Variants in CNTNAP5 observed in about 807,000 individuals in gnomAD.
The protein encoded by CNTNAP5 is contactin associated protein family member 5.
CNTNAP5 carries 72 observed loss-of-function variants against 150.2 expected under a neutral mutation model. The observed-to-expected ratio is 0.48, with a 90% confidence interval of 0.40 to 0.58. The LOEUF (loss-of-function observed/expected upper bound fraction) is 0.58. Ranked by LOEUF, CNTNAP5 falls within the 20% of genes least tolerant of loss-of-function variation. CNTNAP5 has a pLI of 0.00. For missense variants in CNTNAP5, 1,636 were observed against 1,626.2 expected (o/e 1.01, Z -0.10); for synonymous variants, 672 against 619.8 (o/e 1.08, Z -1.25).
intron 3 of CNTNAP5, among the ~76,000 whole-genome samples, chr2:124,363,616 T>G (rs1690280503): frequency 6.6e-6 from 1 of 152,232 alleles, no homozygotes; most frequent in Non-Finnish European, 1.5e-5. Flanking sequence ...GTTTTATAGA[T>G]CTGTTGTACA....
At chr2:124,064,292 A>G (rs1233221905) in intron 1 of CNTNAP5, among the ~76,000 whole-genome samples, 1 of 152,174 alleles carries the variant, frequency 6.6e-6, no homozygotes, top group Non-Finnish European at 1.5e-5. Flanking sequence ...AAAGAGCACT[A>G]TCTGATGGAG....
chr2:124,498,466 T>C (rs1382629491), intron 7 of CNTNAP5, among the ~76,000 whole-genome samples: 1 of 152,158 alleles, frequency 6.6e-6, no homozygotes, highest in Non-Finnish European at 1.5e-5. Context: ...ATATCAGGCT[T>C]CTTATTTACT....
At chr2:124,791,242 G>A (rs775465896) in intron 18 of CNTNAP5, among the ~76,000 whole-genome samples, 65 of 152,264 alleles carry the variant, frequency 4.3e-4, no homozygotes, top group Non-Finnish European at 8.1e-4. Context: ...TGAGCCCTCC[G>A]TTCATTCATA....
At chr2:124,173,930 G>A (rs919400226) in intron 1 of CNTNAP5, among the ~76,000 whole-genome samples, 2 of 152,104 alleles carry the variant, frequency 1.3e-5, no homozygotes, top group African/African-American at 4.8e-5. Context: ...TGCCTCTGGT[G>A]TCTTAACATT....
chr2:124,358,801 G>A (rs1462679522), intron 3 of CNTNAP5, among the ~76,000 whole-genome samples: 2 of 151,660 alleles, frequency 1.3e-5, no homozygotes, highest in Non-Finnish European at 2.9e-5. Context: ...TTTGGTATCA[G>A]AATGATGCTG....
At chr2:124,771,029 G>A (rs1192186178) in intron 16 of CNTNAP5, among the ~76,000 whole-genome samples, 1 of 152,030 alleles carries the variant, frequency 6.6e-6, no homozygotes, top group Non-Finnish European at 1.5e-5. Context: ...TTTAGGCCAG[G>A]GCTCGGTAGA....
At chr2:124,771,214 C>G (rs138210230) in intron 16 of CNTNAP5, among the ~76,000 whole-genome samples, 2 of 152,196 alleles carry the variant, frequency 1.3e-5, no homozygotes, top group African/African-American at 4.8e-5. Flanking sequence ...CAAATAAATA[C>G]CCATTTCCTA....
intron 1 of CNTNAP5, among the ~76,000 whole-genome samples, chr2:124,152,265 A>T (rs559513484): frequency 2.0e-5 from 3 of 152,182 alleles, no homozygotes; most frequent in Non-Finnish European, 4.4e-5. Context: ...AACTGATATG[A>T]TTTAACTATT....
intron 11 of CNTNAP5, among the ~76,000 whole-genome samples, chr2:124,567,992 A>T (rs1399485318): frequency 6.6e-6 from 1 of 152,202 alleles, no homozygotes; most frequent in East Asian, 1.9e-4. Context: ...TGTAAATTCC[A>T]CAAGGTCTCA....
chr2:124,737,826 C>T (rs1680418450), intron 13 of CNTNAP5, among the ~76,000 whole-genome samples: 1 of 152,046 alleles, frequency 6.6e-6, no homozygotes, highest in African/African-American at 2.4e-5. Flanking sequence ...GGTAATTTTA[C>T]CTCTATCTAT....
intron 1 of CNTNAP5, among the ~76,000 whole-genome samples, chr2:124,135,972 G>C (rs1044353978): frequency 6.6e-6 from 1 of 152,206 alleles, no homozygotes; most frequent in African/African-American, 2.4e-5. Flanking sequence ...ATGGAGTCTT[G>C]TGGTGGCGTT....
At chr2:124,676,251 T>A (rs577062886) in intron 13 of CNTNAP5, among the ~76,000 whole-genome samples, 119 of 152,346 alleles carry the variant, frequency 7.8e-4, no homozygotes, top group Non-Finnish European at 1.4e-3. Context: ...AGCTTTCACA[T>A]CCTGCTTCTG....
chr2:124,792,322 T>TA (rs1377710510), intron 18 of CNTNAP5, among the ~76,000 whole-genome samples: 1 of 152,180 alleles, frequency 6.6e-6, no homozygotes, highest in African/African-American at 2.4e-5. Context: ...GAGCAGGTAT[T>TA]AAAATCTAAA....
chr2:124,451,051 A>AAAAATAT (rs1360743225), intron 6 of CNTNAP5, among the ~76,000 whole-genome samples: 7 of 65,284 alleles, frequency 1.1e-4, no homozygotes, highest in Non-Finnish European at 1.8e-4. Flanking sequence ...AAAAAAAAAA[A>AAAAATAT]ATATATATAT....
At chr2:124,168,056 T>A (rs1486608512) in intron 1 of CNTNAP5, among the ~76,000 whole-genome samples, 5 of 152,178 alleles carry the variant, frequency 3.3e-5, no homozygotes, top group African/African-American at 4.8e-5. Context: ...GGCACAAGCC[T>A]CATGAAACTG....
At chr2:124,674,349 C>G (rs1358251270) in intron 13 of CNTNAP5, among the ~76,000 whole-genome samples, 2 of 144,504 alleles carry the variant, frequency 1.4e-5, no homozygotes, top group Admixed American at 1.4e-4. Context: ...CCCTCCCTCC[C>G]TCCCTTCTTC....
intron 1 of CNTNAP5, among the ~76,000 whole-genome samples, chr2:124,214,503 C>T (rs1236651074): frequency 1.3e-5 from 2 of 152,276 alleles, no homozygotes; most frequent in South Asian, 2.1e-4. Context: ...CAAAGCCTGA[C>T]AGAAATTTTG....
At chr2:124,759,183 C>CAG (rs1217978424) in intron 14 of CNTNAP5, among the ~76,000 whole-genome samples, 1 of 151,516 alleles carries the variant, frequency 6.6e-6, no homozygotes, top group African/African-American at 2.4e-5. Flanking sequence ...TGGTGTGTTC[C>CAG]AGAGAGAGAT....
At chr2:124,899,145 T>A (rs1678366064) in intron 21 of CNTNAP5, among the ~76,000 whole-genome samples, 1 of 151,454 alleles carries the variant, frequency 6.6e-6, no homozygotes, top group South Asian at 2.1e-4. Context: ...TGTTGTGCAA[T>A]ATAAATATAT....
Sources: gnomAD v4.1 joint callset for allele counts (sites outside exome capture counted in the v4.1 genomes callset) on GRCh38, gnomAD v4.1.1 for gene constraint, MANE v1.5 for transcripts, NCBI Gene and HGNC (gene_info 2026-07-23, HGNC 2026-07-21) for gene names.